The following TMEM117 variants were observed in gnomAD, a reference collection of about 807,000 sequenced individuals.
TMEM117 encodes the protein transmembrane protein 117.
Under a neutral mutation model 52.4 loss-of-function variants are expected in TMEM117, and 27 were observed. The observed-to-expected ratio is 0.51, with a 90% confidence interval of 0.38 to 0.71. The LOEUF (loss-of-function observed/expected upper bound fraction) is 0.71. TMEM117 is among the 30% of genes least tolerant of loss of function. The pLI, the probability that TMEM117 is intolerant of heterozygous loss-of-function variation, is 0.00. For synonymous variants in TMEM117, 215 were observed against 206.3 expected (o/e 1.04, Z -0.36); for missense variants, 556 against 630.5 (o/e 0.88, Z 1.26).
chr12:44,343,563 G>C (rs959397717), intron 6 of TMEM117, among the ~76,000 whole-genome samples: 1 of 152,082 alleles, frequency 6.6e-6, no homozygotes, highest in Non-Finnish European at 1.5e-5. Context: ...GGGCCTGGGG[G>C]ACAGGGGACA....
intron 3 of TMEM117, among the ~76,000 whole-genome samples, chr12:44,003,962 A>G (rs952609545): frequency 6.6e-6 from 1 of 152,234 alleles, no homozygotes; most frequent in Non-Finnish European, 1.5e-5. Context: ...AAGCCCTGAC[A>G]TTCTGGTCCT....
At position 44,008,167 on chromosome 12, in the gene TMEM117, A is replaced by T. The variant is rs76680639; in HGVS notation, c.410+63825A>T. On this transcript the variant is annotated intron_variant, in intron 3 of 7. Coordinates refer to ENST00000266534, the MANE Select transcript of TMEM117 (RefSeq NM_032256.3). ...GATGAGGACCAAGACTGCCTCCCAGATTGAATGATAGCTGTTAATACTGTT... is the reference window on the plus strand; with the variant it reads ...GATGAGGACCAAGACTGCCTCCCAGTTTGAATGATAGCTGTTAATACTGTT... 2.0e-5 allele frequency among the ~76,000 whole-genome samples: 3 copies of T among 152,200 alleles called. 1 individual carries two copies. Among genetic ancestry groups the T allele is most frequent in the Admixed American group, 2.0e-4 (3 of 15,278 alleles).
chr12:44,022,441 G>T (rs1293521525), intron 3 of TMEM117, among the ~76,000 whole-genome samples: 1 of 152,072 alleles, frequency 6.6e-6, no homozygotes, highest in Non-Finnish European at 1.5e-5. Context: ...CGTCAAATGA[G>T]GATAACAATA....
intron 5 of TMEM117, among the ~76,000 whole-genome samples, chr12:44,237,456 A>G (rs1221790116): frequency 2.0e-5 from 3 of 152,086 alleles, no homozygotes; most frequent in Non-Finnish European, 4.4e-5. Flanking sequence ...ATGGTGGCTC[A>G]CGCCTGTAAT....
chr12:44,332,111 C>T (rs1248868830), intron 6 of TMEM117, among the ~76,000 whole-genome samples: 1 of 151,998 alleles, frequency 6.6e-6, no homozygotes. Flanking sequence ...AACCAAGTCC[C>T]AGAGAAGACA....
chr12:43,806,271 C>G, the TMEM117 span: 1 of 1,517,860 alleles, frequency 6.6e-7, no homozygotes, highest in Non-Finnish European at 8.8e-7. Context: ...CTCCCGGCTC[C>G]GGCGCTGAGT....
chr12:44,027,132 A>ATTT (rs1168252252), intron 3 of TMEM117, among the ~76,000 whole-genome samples: 2,034 of 103,638 alleles, frequency 0.02, 49 homozygotes, highest in African/African-American at 0.041. Context: ...ATTTTATTTT[A>ATTT]TATTTTATTT....
chr12:44,073,442 G>A (rs842206), intron 3 of TMEM117: 106,556 of 151,962 alleles, frequency 0.7, 39,264 homozygotes, highest in African/African-American at 0.92. Context: ...TAAAGATTAA[G>A]TAACTAAAGA....
intron 5 of TMEM117, among the ~76,000 whole-genome samples, chr12:44,259,106 ATTTCCCATGTCATTG>A (rs1950293029): frequency 6.6e-6 from 1 of 152,128 alleles, no homozygotes; most frequent in South Asian, 2.1e-4. Context: ...TCCCTTTAGC[ATTTCCCATGTCATTG>A]TTTCTTACTA....
chr12:44,365,979 G>A (rs1452474069), intron 6 of TMEM117, among the ~76,000 whole-genome samples: 1 of 151,974 alleles, frequency 6.6e-6, no homozygotes, highest in Non-Finnish European at 1.5e-5. Context: ...CTCACTGACT[G>A]TCATTGTCTG....
chr12:44,332,297 T>C (rs758736426), intron 6 of TMEM117, among the ~76,000 whole-genome samples: 1 of 152,114 alleles, frequency 6.6e-6, no homozygotes, highest in Non-Finnish European at 1.5e-5. Flanking sequence ...ATGGAATAAG[T>C]TTGTGCAGAG....
At chr12:44,117,183 T>C (rs1948158824) in intron 3 of TMEM117, among the ~76,000 whole-genome samples, 1 of 152,182 alleles carries the variant, frequency 6.6e-6, no homozygotes, top group Non-Finnish European at 1.5e-5. Flanking sequence ...TTAAGTGCCT[T>C]GAGTTCATCA....
chr12:43,903,188 G>A (rs1944332571), intron 2 of TMEM117, among the ~76,000 whole-genome samples: 1 of 152,110 alleles, frequency 6.6e-6, no homozygotes, highest in African/African-American at 2.4e-5. Context: ...TATTTTTTGG[G>A]TACAAGTCAA....
intron 3 of TMEM117, among the ~76,000 whole-genome samples, chr12:43,987,251 C>A (rs1210477688): frequency 6.6e-6 from 1 of 152,166 alleles, no homozygotes; most frequent in Non-Finnish European, 1.5e-5. Flanking sequence ...AGAAACCACA[C>A]CTGCCAACAC....
intron 6 of TMEM117, 78 bp from the exon 7 acceptor site, chr12:44,376,517 T>G: frequency 6.4e-7 from 1 of 1,557,916 alleles, no homozygotes; most frequent in African/African-American, 1.4e-5. Flanking sequence ...TAAGTGCTTA[T>G]AAAAAGTCAA....
At chr12:43,981,765 A>G (rs1945764340) in intron 3 of TMEM117, among the ~76,000 whole-genome samples, 1 of 152,196 alleles carries the variant, frequency 6.6e-6, no homozygotes, top group Non-Finnish European at 1.5e-5. Flanking sequence ...CCTTTTCAAG[A>G]GATGTTCACT....
chr12:43,976,868 A>G (rs1036777820), intron 3 of TMEM117, among the ~76,000 whole-genome samples: 6 of 152,216 alleles, frequency 3.9e-5, no homozygotes, highest in African/African-American at 1.4e-4. Context: ...TCCTAGAATT[A>G]GTAAATAACA....
chr12:43,834,770 T>C (rs774767238), upstream of TMEM117, among the ~76,000 whole-genome samples: 1 of 152,118 alleles, frequency 6.6e-6, no homozygotes, highest in Non-Finnish European at 1.5e-5. Flanking sequence ...CTCTCATATA[T>C]ATGAGAGGCA....
chr12:43,923,612 T>C (rs985586263), intron 2 of TMEM117, among the ~76,000 whole-genome samples: 2 of 152,202 alleles, frequency 1.3e-5, no homozygotes, highest in Non-Finnish European at 2.9e-5. Context: ...ATTCAAATGA[T>C]ATTATATTTG....
Sources: allele counts gnomAD v4.1 joint callset (sites outside exome capture counted in the v4.1 genomes callset), GRCh38; gene constraint gnomAD v4.1.1; transcripts MANE v1.5; gene names NCBI Gene and HGNC (gene_info 2026-07-23, HGNC 2026-07-21).